CC2D2A: variants seen among roughly 807,000 people sequenced by gnomAD.
CC2D2A encodes the protein coiled-coil and C2 domain-containing protein 2A.
CC2D2A carries 155 observed loss-of-function variants against 212.9 expected under a neutral mutation model. The observed-to-expected ratio is 0.73, with a 90% CI of 0.64 to 0.83. The LOEUF (loss-of-function observed/expected upper bound fraction) is 0.83. Ranked by LOEUF, CC2D2A falls within the 40% of genes least tolerant of loss-of-function variation. The pLI is 0.00. For missense variants in CC2D2A, 1,856 were observed against 1,956.2 expected (o/e 0.95, Z 0.97); for synonymous variants, 667 against 686.5 (o/e 0.97, Z 0.44).
chr4:15,480,307 G>T (rs866279433), intron 3 of CC2D2A, among the ~76,000 whole-genome samples: 2 of 151,978 alleles, frequency 1.3e-5, no homozygotes, highest in Admixed American at 6.6e-5. Context: ...ATTCTTGGGG[G>T]GTGTCCAAAG....
At chr4:15,508,493 G>A (rs1316407372) in intron 6 of CC2D2A, among the ~76,000 whole-genome samples, 1 of 152,152 alleles carries the variant, frequency 6.6e-6, no homozygotes, top group African/African-American at 2.4e-5. Context: ...CACCTGACTG[G>A]TTATATTTTA....
chr4:15,544,797 CT>C (rs1451409867), intron 17 of CC2D2A, among the ~76,000 whole-genome samples: 1 of 152,178 alleles, frequency 6.6e-6, no homozygotes, highest in Non-Finnish European at 1.5e-5. Context: ...TGAATATTAG[CT>C]TGCTGTGGAT....
At position 15,587,928 on chromosome 4, in the gene CC2D2A, A is replaced by C. The variant is rs1258451179; in HGVS notation, c.4178A>C (p.Glu1393Ala). 1 of 1,578,050 alleles carries C rather than the reference A, an allele frequency of 6.3e-7. No homozygotes were observed. The highest frequency in any genetic ancestry group is 2.2e-5 in the East Asian group (1 of 44,688). The change falls in exon 32 of 37, where the codon GAG (glutamate) becomes GCG (alanine). Residue 1393 changes from glutamate to alanine, a missense_variant and splice_region_variant. Coordinates refer to ENST00000424120, the MANE Select transcript of CC2D2A (RefSeq NM_001378615.1). ...AWLLMGNAIP[E>A]GPTAYVLTWE... ...CTGTTGATGGGCAATGCTATTCCTG[A>C]GGTAAGACCACATAGGCTGCCTTTA...
At chr4:15,516,429 AT>A (rs1716876779) in intron 10 of CC2D2A, among the ~76,000 whole-genome samples, 195 bp from the exon 11 acceptor site, 1 of 152,166 alleles carries the variant, frequency 6.6e-6, no homozygotes, top group Non-Finnish European at 1.5e-5. Context: ...CAGGGTGTAT[AT>A]TTTAAATCAA....
chr4:15,475,112 A>G (rs1401105537), intron 1 of CC2D2A, among the ~76,000 whole-genome samples: 2 of 152,118 alleles, frequency 1.3e-5, no homozygotes, highest in African/African-American at 4.8e-5. Flanking sequence ...TGTCTCTACT[A>G]AAAACACAAA....
intron 4 of CC2D2A, chr4:15,481,983 A>G: frequency 4.1e-6 from 4 of 985,408 alleles, no homozygotes; most frequent in Non-Finnish European, 4.8e-6. Context: ...AGTACAATGA[A>G]CATTAGGAAT....
At chr4:15,541,487 G>A (rs1228292239) in intron 17 of CC2D2A, among the ~76,000 whole-genome samples, 1 of 152,092 alleles carries the variant, frequency 6.6e-6, no homozygotes, top group Non-Finnish European at 1.5e-5. Context: ...TTGGAAGAAA[G>A]AGATCTGTTC....
chr4:15,528,225 G>A (rs945323484), intron 12 of CC2D2A, among the ~76,000 whole-genome samples: 3 of 152,122 alleles, frequency 2.0e-5, no homozygotes, highest in South Asian at 2.1e-4. Flanking sequence ...ACAATATCTC[G>A]TTTTACGAGT....
chr4:15,584,030 T>C (rs767227501), intron 30 of CC2D2A, among the ~76,000 whole-genome samples: 3 of 151,562 alleles, frequency 2.0e-5, no homozygotes, highest in Non-Finnish European at 2.9e-5. Context: ...AATGGAAAGA[T>C]ATCCTGTGTT....
intron 3 of CC2D2A, among the ~76,000 whole-genome samples, chr4:15,480,305 G>C (rs924236304): frequency 1.3e-5 from 2 of 152,088 alleles, no homozygotes; most frequent in South Asian, 2.1e-4. Context: ...CTATTCTTGG[G>C]GGGTGTCCAA....
chr4:15,527,859 C>T (rs1240750477), intron 12 of CC2D2A, among the ~76,000 whole-genome samples: 1 of 152,150 alleles, frequency 6.6e-6, no homozygotes, highest in African/African-American at 2.4e-5. Context: ...TTTATTGGCA[C>T]ACACTCGCCC....
At chr4:15,563,594 T>A in intron 24 of CC2D2A, 72 bp downstream of exon 24, 1 of 1,472,100 alleles carries the variant, frequency 6.8e-7, no homozygotes, top group Non-Finnish European at 9.3e-7. Context: ...CTTTACAGCA[T>A]ACTCACTCTC....
intron 21 of CC2D2A, among the ~76,000 whole-genome samples, chr4:15,558,269 C>T (rs1182403974): frequency 2.0e-5 from 3 of 152,056 alleles, no homozygotes; most frequent in African/African-American, 7.3e-5. Flanking sequence ...CATGGCAAAA[C>T]TATTCTTGAA....
In CC2D2A at chr4:15,563,351, T is replaced by G. The variant is rs1719709188; in HGVS notation, c.3015-4T>G. 3.1e-6 allele frequency: 5 copies of G among 1,596,758 alleles called. No individual in the cohort carries two copies. Among genetic ancestry groups the G allele is most frequent in the Non-Finnish European group, 4.3e-6 (5 of 1,171,248 alleles). On this transcript the variant is annotated splice_region_variant and splice_polypyrimidine_tract_variant and intron_variant, in intron 23 of 36. Coordinates refer to ENST00000424120, the MANE Select transcript of CC2D2A (RefSeq NM_001378615.1). The stretch of plus-strand genomic sequence containing the variant: ...GAGTCCTGATCCTGTTCTGTAATCA[T>G]TAGCATTTTGGGCCTAAGCCTTTTC...
rs955791958 is a variant in CC2D2A, at chr4:15,541,094, T to C, written c.2181+80T>C. On this transcript the variant is annotated intron_variant, in intron 17 of 36. Transcript: ENST00000424120. ...TGGGAGGCCAAGGTGGGCAGATCAC[T>C]TAAGGCCAGGAGTTCGAGACCAGCC... 5 of 1,186,558 alleles carry C rather than the reference T, an allele frequency of 4.2e-6. No individual in the cohort carries two copies. The African/African-American group carries it at 4.6e-5, about 11-fold the overall frequency. The allele number at this position is 1,186,558 out of a possible 1,614,324, so 73.5% of individuals were successfully genotyped here. A position where few individuals can be genotyped will look rare whatever the true frequency, so the allele number is the denominator to read the frequency against.
chr4:15,477,795 A>T lies in CC2D2A; in HGVS notation c.40-928A>T, dbSNP rs1452614056. Among the ~76,000 whole-genome samples, 6 of 152,298 alleles carry T rather than the reference A, an allele frequency of 3.9e-5. No individual in the cohort carries two copies. The South Asian group carries it at 1.0e-3, about 26-fold the overall frequency. ...TTCGACCTCACTTCCGTCCTCTGTTATTGCGGTTCATGTCTTCCCTAACCC... is the reference window on the plus strand; with the variant it reads ...TTCGACCTCACTTCCGTCCTCTGTTTTTGCGGTTCATGTCTTCCCTAACCC... On this transcript the variant is annotated intron_variant, in intron 2 of 36. Coordinates refer to ENST00000424120, the MANE Select transcript of CC2D2A (RefSeq NM_001378615.1).
chr4:15,599,584 C>G lies in CC2D2A; in HGVS notation c.4552C>G (p.Arg1518Gly). Reference protein sequence around the residue: ...IMDWRPRHLTRWNRYCTSTLR... With the variant: ...IMDWRPRHLTGWNRYCTSTLR... Reference sequence around the variant, plus strand: ...GGACTGGAGGCCACGCCATCTGACTCGGTGGAATAGGTATTGTACCTCTAC... The same window carrying G: ...GGACTGGAGGCCACGCCATCTGACTGGGTGGAATAGGTATTGTACCTCTAC... The change falls in exon 36 of 37, where the codon CGG becomes GGG. Residue 1518 changes from arginine to glycine, a missense_variant. By Grantham distance (125) the Arg-to-Gly change is moderately radical (BLOSUM62 -2). Around this residue, in one of 5 missense-constraint regions of CC2D2A, gnomAD observed 285 missense variants for 278.4 expected, o/e 1.02. Transcript: ENST00000424120. 2 of 1,606,932 alleles carry G rather than the reference C, an allele frequency of 1.2e-6. No individual in the cohort carries two copies. The highest frequency in any genetic ancestry group is 1.7e-6 in the Non-Finnish European group (2 of 1,175,086).
chr4:15,553,212 C>A lies in CC2D2A; in HGVS notation c.2393C>A (p.Ser798Ter). The A allele has an allele frequency of 6.2e-7, 1 of 1,611,836 alleles. No individual in the cohort carries two copies. The highest frequency in any genetic ancestry group is 8.5e-7 in the Non-Finnish European group (1 of 1,179,162). Residue 798 changes from serine to a stop codon, truncating the protein, a stop_gained, in exon 19 of 37, where the codon TCA becomes TAA. Coordinates refer to ENST00000424120, the MANE Select transcript of CC2D2A (RefSeq NM_001378615.1). LOFTEE classifies it high-confidence loss of function. ...DGSNQLTLMT[S>*]GKVSHSVAWA... ...AGTAACCAGCTGACTCTGATGACCT[C>A]AGGGAAAGTGTCTCATAGTGTGGCA... is the stretch of plus-strand genomic sequence containing the variant.
At chr4:15,599,207 A>G (rs1422638869) in intron 35 of CC2D2A, among the ~76,000 whole-genome samples, 1 of 152,196 alleles carries the variant, frequency 6.6e-6, no homozygotes, top group Non-Finnish European at 1.5e-5. Context: ...TATTGAATTC[A>G]GCTATCCCCA....
Sources: gnomAD v4.1 joint callset for allele counts (sites outside exome capture counted in the v4.1 genomes callset) on GRCh38, gnomAD v4.1.1 for gene constraint, gnomAD v4.1.1 regional missense constraint, MANE v1.5 for transcripts, NCBI Gene and HGNC (gene_info 2026-07-23, HGNC 2026-07-21) for gene names.